CLVS1: variants seen among roughly 807,000 people sequenced by gnomAD.
The protein encoded by CLVS1 is clavesin 1, also known as clavesin-1.
In CLVS1, 10 loss-of-function variants were observed where a neutral mutation model predicts 33.1. The ratio of observed to expected loss-of-function variants is 0.30; its 90% confidence interval spans 0.19 to 0.51. The LOEUF (loss-of-function observed/expected upper bound fraction) is 0.51, where lower values mean the gene tolerates loss of function less well. Ranked by LOEUF, CLVS1 falls within the 20% of genes least tolerant of loss-of-function variation. The pLI is 0.97. For synonymous variants in CLVS1, 163 were observed against 166.1 expected (o/e 0.98, Z 0.14); for missense variants, 343 against 433.4 (o/e 0.79, Z 1.85).
intron 1 of CLVS1, among the ~76,000 whole-genome samples, chr8:61,081,197 A>G (rs1805014448): frequency 6.6e-6 from 1 of 152,182 alleles, no homozygotes; most frequent in Non-Finnish European, 1.5e-5. Context: ...GACTGGACTG[A>G]GTTGCTTGGG....
At chr8:61,149,969 C>T (rs1296666883) in intron 2 of CLVS1, among the ~76,000 whole-genome samples, 1 of 152,086 alleles carries the variant, frequency 6.6e-6, no homozygotes, top group Non-Finnish European at 1.5e-5. Flanking sequence ...CACATAGCTG[C>T]GGGTGAGGGG....
intron 1 of CLVS1, among the ~76,000 whole-genome samples, chr8:61,075,522 A>G (rs1318538193): frequency 1.3e-5 from 2 of 152,252 alleles, no homozygotes; most frequent in Non-Finnish European, 2.9e-5. Context: ...AGTACCTTTT[A>G]CATTGGTGAC....
At chr8:61,484,908 T>G (rs912333684) in intron 5 of CLVS1, among the ~76,000 whole-genome samples, 3 of 152,206 alleles carry the variant, frequency 2.0e-5, no homozygotes, top group Non-Finnish European at 4.4e-5. Flanking sequence ...AAGCTGAAAC[T>G]GGATCCCTTC....
intron 2 of CLVS1, among the ~76,000 whole-genome samples, chr8:61,188,157 T>C (rs1807382786): frequency 6.6e-6 from 1 of 152,174 alleles, no homozygotes; most frequent in Non-Finnish European, 1.5e-5. Flanking sequence ...TCTACTCTTA[T>C]TATGATAGTG....
intron 1 of CLVS1, among the ~76,000 whole-genome samples, chr8:61,083,071 A>G (rs1481284701): frequency 6.6e-6 from 1 of 152,214 alleles, no homozygotes; most frequent in Admixed American, 6.5e-5. Context: ...CTATGTTTCA[A>G]GAAGTGTGAA....
the CLVS1 span, among the ~76,000 whole-genome samples, chr8:60,969,153 C>T: frequency 1.3e-5 from 2 of 152,164 alleles, no homozygotes; most frequent in Admixed American, 6.5e-5. Context: ...AGTCTATAGT[C>T]AGTGGTCTCT....
chr8:60,986,046 G>A, the CLVS1 span, among the ~76,000 whole-genome samples: 3 of 152,144 alleles, frequency 2.0e-5, no homozygotes, highest in Non-Finnish European at 4.4e-5. Flanking sequence ...GTTTGATAGG[G>A]ACCATCCTGA....
chr8:61,170,331 C>T (rs1208172553), intron 2 of CLVS1, among the ~76,000 whole-genome samples: 1 of 152,092 alleles, frequency 6.6e-6, no homozygotes, highest in African/African-American at 2.4e-5. Flanking sequence ...TCACTTTCTC[C>T]CCCTCTCTTT....
At chr8:61,039,440 G>C in the CLVS1 span, among the ~76,000 whole-genome samples, 2 of 152,184 alleles carry the variant, frequency 1.3e-5, no homozygotes. Context: ...GGCTCCTTCA[G>C]GTAGCATGGT....
At chr8:61,107,149 A>T (rs1178233206) in intron 1 of CLVS1, among the ~76,000 whole-genome samples, 1 of 152,228 alleles carries the variant, frequency 6.6e-6, no homozygotes, top group African/African-American at 2.4e-5. Flanking sequence ...AAACCAGGAC[A>T]ATTTGAAACT....
At position 61,406,110 on chromosome 8, in the gene CLVS1, ACT is replaced by A. The variant is rs576651371; in HGVS notation, c.630+29334_630+29335del. On this transcript the variant is annotated intron_variant, in intron 3 of 5. Transcript: ENST00000325897. ...TGAGAGTCCATTTTATCAGCCAAAC[ACT>A]CTACAGCATTAAAGCTCCTAACTAT... is the stretch of plus-strand genomic sequence containing the variant. Among the ~76,000 whole-genome samples the A allele has an allele frequency of 4.2e-4, 64 of 152,202 alleles. 1 individual carries two copies. Among genetic ancestry groups the A allele is most frequent in the Non-Finnish European group, 7.8e-4 (53 of 68,018 alleles).
chr8:61,133,284 G>A (rs1174682120), intron 2 of CLVS1, among the ~76,000 whole-genome samples: 1 of 152,178 alleles, frequency 6.6e-6, no homozygotes, highest in Non-Finnish European at 1.5e-5. Flanking sequence ...CGTCAATTCT[G>A]CACAGGAGGG....
At chr8:60,991,746 T>C in the CLVS1 span, among the ~76,000 whole-genome samples, 1 of 78,572 alleles carries the variant, frequency 1.3e-5, no homozygotes, top group Middle Eastern at 5.9e-3. Context: ...GCCCCACTCT[T>C]TTTTTTTTTT....
chr8:61,007,662 C>T, the CLVS1 span, among the ~76,000 whole-genome samples: 2 of 152,202 alleles, frequency 1.3e-5, no homozygotes, highest in Non-Finnish European at 2.9e-5. Flanking sequence ...CAAGCAGCCA[C>T]CACGCTACTC....
intron 2 of CLVS1, among the ~76,000 whole-genome samples, chr8:61,255,830 T>C (rs1809067471): frequency 6.6e-6 from 1 of 152,226 alleles, no homozygotes; most frequent in Non-Finnish European, 1.5e-5. Flanking sequence ...AGAAGATGTA[T>C]ACTTTTGAAA....
intron 2 of CLVS1, among the ~76,000 whole-genome samples, chr8:61,189,137 C>T (rs928050053): frequency 6.6e-6 from 1 of 152,130 alleles, no homozygotes; most frequent in African/African-American, 2.4e-5. Flanking sequence ...GGTTGGGTTA[C>T]CCACAAAGGG....
chr8:61,431,913 TA>T (rs1358212469), intron 3 of CLVS1, among the ~76,000 whole-genome samples: 1 of 152,246 alleles, frequency 6.6e-6, no homozygotes, highest in Non-Finnish European at 1.5e-5. Context: ...CCAGGTTCTG[TA>T]TTCATTGCCA....
At chr8:61,159,686 T>G (rs182912098) in intron 2 of CLVS1, among the ~76,000 whole-genome samples, 12 of 152,260 alleles carry the variant, frequency 7.9e-5, no homozygotes, top group African/African-American at 2.6e-4. Context: ...ATGTCATGAG[T>G]CAAGTCATGG....
At chr8:61,274,781 G>A (rs1343483084) in intron 2 of CLVS1, among the ~76,000 whole-genome samples, 1 of 152,120 alleles carries the variant, frequency 6.6e-6, no homozygotes, top group Non-Finnish European at 1.5e-5. Context: ...TTGAAATTTG[G>A]TGCTACTTTC....
Sources: allele counts gnomAD v4.1 joint callset (sites outside exome capture counted in the v4.1 genomes callset), GRCh38; gene constraint gnomAD v4.1.1; transcripts MANE v1.5; gene names NCBI Gene and HGNC (gene_info 2026-07-23, HGNC 2026-07-21).